Variants in STK32B observed in about 807,000 individuals in gnomAD.
The protein encoded by STK32B is serine/threonine-protein kinase 32B.
In STK32B, 43 loss-of-function variants were observed where a neutral mutation model predicts 52.6. The observed-to-expected ratio is 0.82, with a 90% CI of 0.64 to 1.05. The LOEUF (loss-of-function observed/expected upper bound fraction) is 1.05, where lower values mean the gene tolerates loss of function less well. STK32B is among the 50% of genes least tolerant of loss of function. The pLI, the probability that STK32B is intolerant of heterozygous loss-of-function variation, is 0.00. For synonymous variants in STK32B, 238 were observed against 204.3 expected (o/e 1.17, Z -1.41); for missense variants, 621 against 534.6 (o/e 1.16, Z -1.59).
intron 2 of STK32B, among the ~76,000 whole-genome samples, chr4:5,163,298 T>C (rs1718589799): frequency 6.6e-6 from 1 of 152,040 alleles, no homozygotes; most frequent in African/African-American, 2.4e-5. Flanking sequence ...GTGCTTGGAG[T>C]CTGACTGCCA....
chr4:5,126,987 C>T, intron 1 of STK32B: 1 of 430,462 alleles, frequency 2.3e-6, no homozygotes, highest in Non-Finnish European at 4.7e-6. Context: ...TCTATTCCCT[C>T]TCCTTTTGCA....
intron 7 of STK32B, among the ~76,000 whole-genome samples, chr4:5,448,647 G>T (rs1715693992): frequency 6.6e-6 from 1 of 152,164 alleles, no homozygotes; most frequent in African/African-American, 2.4e-5. Context: ...TAATTCTTCT[G>T]AGTTTTCTGC....
At chr4:5,461,816 G>A (rs895632767) in intron 9 of STK32B, among the ~76,000 whole-genome samples, 6 of 152,146 alleles carry the variant, frequency 3.9e-5, no homozygotes, top group African/African-American at 7.2e-5. Flanking sequence ...CCTTCTGCCC[G>A]CCCAGACCTG....
chr4:5,123,587 C>A (rs116363728), intron 1 of STK32B, among the ~76,000 whole-genome samples: 1 of 151,982 alleles, frequency 6.6e-6, no homozygotes, highest in African/African-American at 2.4e-5. Context: ...CTTCCAAGGC[C>A]TCTCTCCTTG....
intron 6 of STK32B, among the ~76,000 whole-genome samples, chr4:5,425,777 C>T (rs541032120): frequency 2.0e-5 from 3 of 152,240 alleles, no homozygotes; most frequent in South Asian, 4.1e-4. Flanking sequence ...TTCCATCACC[C>T]CCACAAAAGT....
At chr4:5,221,418 A>C (rs1723531163) in intron 3 of STK32B, among the ~76,000 whole-genome samples, 1 of 152,188 alleles carries the variant, frequency 6.6e-6, no homozygotes, top group Non-Finnish European at 1.5e-5. Flanking sequence ...CTCCTAGATA[A>C]TACCTCTGTG....
At position 5,400,075 on chromosome 4, in the gene STK32B, C is replaced by T. The variant is rs879373961; in HGVS notation, c.472+1831C>T. Among the ~76,000 whole-genome samples the T allele has an allele frequency of 3.3e-5, 5 of 152,144 alleles. No individual in the cohort carries two copies. Among genetic ancestry groups the T allele is most frequent in the Admixed American group, 1.3e-4 (2 of 15,276 alleles). On this transcript the variant is annotated intron_variant, in intron 5 of 11. Coordinates refer to ENST00000282908, the MANE Select transcript of STK32B (RefSeq NM_018401.3). The surrounding 1 kb of genome is among the most constrained non-coding windows in gnomAD (Gnocchi z 6.1). ...AGAAGCAAAATTCAGACAGAAACAT[C>T]AATAGCAATAAGCTAGCCATTGCAC...
intron 3 of STK32B, among the ~76,000 whole-genome samples, chr4:5,185,152 A>AAAATT (rs1720650768): frequency 6.6e-6 from 1 of 152,158 alleles, no homozygotes; most frequent in African/African-American, 2.4e-5. Flanking sequence ...ATGTGTTCGG[A>AAAATT]CTGCATTTTC....
chr4:5,236,033 G>C (rs1168738481), intron 3 of STK32B, among the ~76,000 whole-genome samples: 3 of 152,206 alleles, frequency 2.0e-5, no homozygotes, highest in Non-Finnish European at 4.4e-5. Context: ...GCAGCCAGGA[G>C]GGGGTGGGTG....
intron 3 of STK32B, among the ~76,000 whole-genome samples, chr4:5,302,589 A>T (rs1392470692): frequency 6.6e-6 from 1 of 152,218 alleles, no homozygotes; most frequent in African/African-American, 2.4e-5. Flanking sequence ...CCATTGGTTA[A>T]TATATTCCTT....
chr4:5,454,539 C>T lies in STK32B; in HGVS notation c.667-2268C>T, dbSNP rs564355490. On this transcript the variant is annotated intron_variant, in intron 7 of 11. Transcript: ENST00000282908. Reference sequence around the variant, plus strand: ...TCGATTGGATTACTTCTAGAAAGAGCCTATGTCCAAATAAGGTCACATTCT... The same window carrying T: ...TCGATTGGATTACTTCTAGAAAGAGTCTATGTCCAAATAAGGTCACATTCT... Among the ~76,000 whole-genome samples the T allele has an allele frequency of 2.0e-5, 3 of 152,140 alleles. No individual in the cohort carries two copies. The East Asian group carries it at 5.8e-4, about 29-fold the overall frequency.
chr4:5,400,646 A>G lies in STK32B; in HGVS notation c.472+2402A>G, dbSNP rs375808572. Among the ~76,000 whole-genome samples, 28 of 152,182 alleles carry G rather than the reference A, an allele frequency of 1.8e-4. No individual in the cohort carries two copies. Among genetic ancestry groups the G allele is most frequent in the African/African-American group, 6.8e-4 (28 of 41,444 alleles). On this transcript the variant is annotated intron_variant, in intron 5 of 11. Coordinates refer to ENST00000282908, the MANE Select transcript of STK32B (RefSeq NM_018401.3). This position sits in a 1 kb window ranked among gnomAD's most constrained non-coding sequence, Gnocchi z 6.1. ...AGGTGGTACAGAAAAGAAATTTAGG[A>G]GCAGGGAATTCCGCTCAGAAAAAGA...
chr4:5,162,334 A>G lies in STK32B; in HGVS notation c.109-5965A>G, dbSNP rs528507536. ...CCTTCCCTGGGATACATCTAAAAAA[A>G]TACAAAATCCCAGGGCCTCCTAGAG... On this transcript the variant is annotated intron_variant, in intron 2 of 11. Coordinates refer to ENST00000282908, the MANE Select transcript of STK32B (RefSeq NM_018401.3). Among the ~76,000 whole-genome samples the G allele has an allele frequency of 9.8e-5, 15 of 152,304 alleles. No homozygotes were observed. In the South Asian group the frequency reaches 2.9e-3, roughly 29 times the overall value.
Position 5,364,076 on chromosome 4 carries a change from A to G in STK32B, c.434+32683A>G, listed in dbSNP as rs141362423. 3.7e-4 allele frequency among the ~76,000 whole-genome samples: 56 copies of G among 151,324 alleles called. No individual in the cohort carries two copies. The East Asian group carries it at 0.011, about 29-fold the overall frequency. On this transcript the variant is annotated intron_variant, in intron 4 of 11. Transcript: ENST00000282908. ...ATCAAACCATATCACTTTGCTTCTT[A>G]AAAACATTCACTGACCCCCCCCACT...
rs58321341 is a variant in STK32B, at chr4:5,184,695, A to AAAAG, written c.260+16247_260+16248insAGAA. Among the ~76,000 whole-genome samples the AAAAG allele has an allele frequency of 5.1e-5, 7 of 137,596 alleles. No homozygotes were observed. In the South Asian group the frequency reaches 6.9e-4, roughly 13 times the overall value. The allele number at this position is 137,596 out of a possible 152,430, so 90.3% of individuals were successfully genotyped here. On this transcript the variant is annotated intron_variant, in intron 3 of 11. Coordinates refer to ENST00000282908, the MANE Select transcript of STK32B (RefSeq NM_018401.3). ...GAGCGAGACTGTCTCAAAAAAAAAAAAAGAAGAAGAAGAAGAAAAAGAAAA... is the reference window on the plus strand; with the variant it reads ...GAGCGAGACTGTCTCAAAAAAAAAAAAAAGAAGAAGAAGAAGAAGAAAAAGAAAA...
rs2108821313 is a variant in STK32B, at chr4:5,131,196, C to G, written c.53-8709C>G. ...TGAGAATGCCCCTTTCACTGCTTCC[C>G]ACGTGTGCACAGGCTGCACCAGCAC... is the stretch of plus-strand genomic sequence containing the variant. On this transcript the variant is annotated intron_variant, in intron 1 of 11. Coordinates refer to ENST00000282908, the MANE Select transcript of STK32B (RefSeq NM_018401.3). Among the ~76,000 whole-genome samples the G allele has an allele frequency of 2.6e-5, 4 of 152,308 alleles. No individual in the cohort carries two copies. The South Asian group carries it at 8.3e-4, about 32-fold the overall frequency.
At chr4:5,494,642 C>T (rs376789947) in intron 11 of STK32B, among the ~76,000 whole-genome samples, 1 of 152,086 alleles carries the variant, frequency 6.6e-6, no homozygotes, top group Admixed American at 6.6e-5. Flanking sequence ...TTATTTTGCT[C>T]GTTAGTTGAT....
chr4:5,435,147 G>C (rs1446666925), intron 6 of STK32B, among the ~76,000 whole-genome samples: 1 of 152,234 alleles, frequency 6.6e-6, no homozygotes, highest in Non-Finnish European at 1.5e-5. Context: ...ATTTCCAATG[G>C]CTGATAAATA....
chr4:5,375,764 G>A (rs11721595), intron 4 of STK32B, among the ~76,000 whole-genome samples: 42,216 of 151,938 alleles, frequency 0.28, 6,883 homozygotes, highest in African/African-American at 0.47. Flanking sequence ...CTGTTCCTCA[G>A]TATTAAGAAT....
Sources: allele counts gnomAD v4.1 joint callset (sites outside exome capture counted in the v4.1 genomes callset), GRCh38; gene constraint gnomAD v4.1.1; non-coding constraint Gnocchi (gnomAD v3.1); transcripts MANE v1.5; gene names NCBI Gene and HGNC (gene_info 2026-07-23, HGNC 2026-07-21).